The following SPOCK1 variants were observed in gnomAD, a reference collection of about 807,000 sequenced individuals.
SPOCK1 encodes the protein SPARC (osteonectin), cwcv and kazal like domains proteoglycan 1.
A neutral mutation model predicts 55.3 loss-of-function variants in SPOCK1; 23 were observed. The observed-to-expected ratio is 0.42, with a 90% CI of 0.30 to 0.59. The LOEUF (loss-of-function observed/expected upper bound fraction) is 0.59, where lower values mean the gene tolerates loss of function less well. Ranked by LOEUF, SPOCK1 falls within the 20% of genes least tolerant of loss-of-function variation. The pLI, the probability that SPOCK1 is intolerant of heterozygous loss-of-function variation, is 0.22. For synonymous variants in SPOCK1, 226 were observed against 221.0 expected (o/e 1.02, Z -0.20); for missense variants, 499 against 552.5 (o/e 0.90, Z 0.97).
chr5:137,349,885 G>A (rs965824940), intron 2 of SPOCK1, among the ~76,000 whole-genome samples: 3 of 152,122 alleles, frequency 2.0e-5, no homozygotes, highest in Non-Finnish European at 4.4e-5. Flanking sequence ...CCTCTCTAAA[G>A]ACTCTATTTC....
intron 6 of SPOCK1, among the ~76,000 whole-genome samples, chr5:137,001,991 C>T (rs978996220): frequency 3.9e-5 from 6 of 152,164 alleles, no homozygotes; most frequent in Admixed American, 2.0e-4. Context: ...CCAGCTTTTA[C>T]TTTTCACTGC....
intron 2 of SPOCK1, among the ~76,000 whole-genome samples, chr5:137,409,160 A>T (rs1206239729): frequency 6.6e-6 from 1 of 152,136 alleles, no homozygotes; most frequent in Non-Finnish European, 1.5e-5. Context: ...AGCACAAGAT[A>T]TGGTCCCCAC....
At chr5:137,291,867 T>A (rs1757377800) in intron 2 of SPOCK1, among the ~76,000 whole-genome samples, 1 of 152,220 alleles carries the variant, frequency 6.6e-6, no homozygotes, top group African/African-American at 2.4e-5. Context: ...CATCAAGGAA[T>A]GGATGCATGA....
intron 3 of SPOCK1, among the ~76,000 whole-genome samples, chr5:137,261,280 T>C (rs1252708074): frequency 1.3e-5 from 2 of 152,210 alleles, no homozygotes; most frequent in African/African-American, 4.8e-5. Flanking sequence ...TCCCCTTCTA[T>C]GGAAGATTTT....
intron 2 of SPOCK1, among the ~76,000 whole-genome samples, chr5:137,422,530 T>C (rs901245363): frequency 6.6e-6 from 1 of 152,234 alleles, no homozygotes; most frequent in Non-Finnish European, 1.5e-5. Context: ...ATCATTTCAT[T>C]CATTTGATCT....
intron 3 of SPOCK1, among the ~76,000 whole-genome samples, chr5:137,177,331 C>A (rs921734632): frequency 3.0e-4 from 46 of 152,254 alleles, no homozygotes; most frequent in African/African-American, 1.1e-3. Context: ...TGGGGGCCAT[C>A]CCCAGGTTAT....
At chr5:137,490,096 C>CCTGGCACATAG (rs1180838572) in intron 2 of SPOCK1, among the ~76,000 whole-genome samples, 4 of 152,206 alleles carry the variant, frequency 2.6e-5, no homozygotes, top group Non-Finnish European at 4.4e-5. Flanking sequence ...CTAGCAGAGG[C>CCTGGCACATAG]CTGGCACATA....
intron 2 of SPOCK1, among the ~76,000 whole-genome samples, chr5:137,407,853 T>C (rs556908455): frequency 4.6e-5 from 7 of 152,268 alleles, no homozygotes; most frequent in East Asian, 3.9e-4. Flanking sequence ...TTAAAACCCA[T>C]TGGTGCTTTC....
intron 2 of SPOCK1, among the ~76,000 whole-genome samples, chr5:137,401,309 C>T (rs1751971355): frequency 6.6e-6 from 1 of 152,102 alleles, no homozygotes. Context: ...AAAATGATAG[C>T]TAATAAAAGC....
rs1194856326 is a variant in SPOCK1, at chr5:137,431,878, C to T, written c.186+66495G>A. Among the ~76,000 whole-genome samples, 8 of 152,148 alleles carry T rather than the reference C, an allele frequency of 5.3e-5. No individual in the cohort carries two copies. The East Asian group carries it at 1.2e-3, about 22-fold the overall frequency. On this transcript the variant is annotated intron_variant, in intron 2 of 10. Transcript: ENST00000394945. Reference sequence around the variant, plus strand: ...AGCCTCTTTTCTTTATAAATTGCCCCGTCTTTGGTATTCTATCACAGCAAC... The same window carrying T: ...AGCCTCTTTTCTTTATAAATTGCCCTGTCTTTGGTATTCTATCACAGCAAC...
At chr5:137,112,371 G>T (rs1165975269) in intron 5 of SPOCK1, 64 bp downstream of exon 5, 4 of 1,574,926 alleles carry the variant, frequency 2.5e-6, no homozygotes, top group African/African-American at 2.7e-5. Context: ...TTTTGGCATA[G>T]AGAAGTGTTA....
chr5:136,991,829 GACAAA>G (rs1445612674), intron 7 of SPOCK1, among the ~76,000 whole-genome samples: 1 of 152,190 alleles, frequency 6.6e-6, no homozygotes, highest in Admixed American at 6.5e-5. Flanking sequence ...TGCAGCTTAT[GACAAA>G]ACTGAGTATG....
chr5:137,223,933 G>A (rs781547007), intron 3 of SPOCK1, among the ~76,000 whole-genome samples: 29 of 152,160 alleles, frequency 1.9e-4, no homozygotes, highest in Non-Finnish European at 3.4e-4. Context: ...CTTAGTGCAC[G>A]CACCTACTAA....
At chr5:136,993,175 T>G (rs1299896003) in intron 6 of SPOCK1, 6 of 152,222 alleles carry the variant, frequency 3.9e-5, no homozygotes, top group African/African-American at 1.4e-4. Context: ...GCCTTCTCCA[T>G]GAAACAGTCC....
At chr5:137,372,088 G>C (rs969156146) in intron 2 of SPOCK1, among the ~76,000 whole-genome samples, 3 of 152,152 alleles carry the variant, frequency 2.0e-5, no homozygotes, top group Non-Finnish European at 2.9e-5. Flanking sequence ...TTCATCCTAA[G>C]GCATTGAAAT....
intron 3 of SPOCK1, among the ~76,000 whole-genome samples, chr5:137,190,648 C>A (rs1755163885): frequency 6.6e-6 from 1 of 152,168 alleles, no homozygotes; most frequent in Non-Finnish European, 1.5e-5. Flanking sequence ...TGCCTGTACT[C>A]TGTGCTCCCT....
At chr5:137,035,457 AAAG>A (rs1210624467) in intron 6 of SPOCK1, among the ~76,000 whole-genome samples, 1 of 152,234 alleles carries the variant, frequency 6.6e-6, no homozygotes. Context: ...GGGTAGATGG[AAAG>A]AAGGACGGCA....
At chr5:137,365,603 C>T (rs1469387901) in intron 2 of SPOCK1, 1 of 152,140 alleles carries the variant, frequency 6.6e-6, no homozygotes, top group Non-Finnish European at 1.5e-5. Context: ...AGCAATCTGC[C>T]TCCTAATCCA....
At chr5:137,168,592 G>A (rs2127056773) in intron 3 of SPOCK1, among the ~76,000 whole-genome samples, 1 of 152,132 alleles carries the variant, frequency 6.6e-6, no homozygotes, top group East Asian at 1.9e-4. Context: ...TGGCAAGCAG[G>A]TATATAAAAA....
Sources: gnomAD v4.1 joint callset for allele counts (sites outside exome capture counted in the v4.1 genomes callset) on GRCh38, gnomAD v4.1.1 for gene constraint, MANE v1.5 for transcripts, NCBI Gene and HGNC (gene_info 2026-07-23, HGNC 2026-07-21) for gene names.